ATRNL1: variants seen among roughly 807,000 people sequenced by gnomAD.
ATRNL1 encodes the protein attractin like 1, also known as attractin-like protein 1.
ATRNL1 carries 95 observed loss-of-function variants against 182.7 expected under a neutral mutation model. That is an observed-to-expected ratio of 0.52 (90% CI 0.44 to 0.62). The LOEUF is 0.62. ATRNL1 is among the 20% of genes least tolerant of loss of function. The pLI is 0.00. For synonymous variants in ATRNL1, 576 were observed against 568.3 expected, an observed-to-expected ratio of 1.01 and a Z score of -0.19; for missense variants, 1,471 against 1,679.5, an observed-to-expected ratio of 0.88 and a Z score of 2.17.
chr10:115,300,858 T>TA (rs1853435640), intron 16 of ATRNL1, among the ~76,000 whole-genome samples: 1 of 152,118 alleles, frequency 6.6e-6, no homozygotes, highest in South Asian at 2.1e-4. Context: ...TTTGCAAAAC[T>TA]AAAAATCTGT....
intron 21 of ATRNL1, among the ~76,000 whole-genome samples, chr10:115,438,572 T>G (rs1846516949): frequency 6.6e-6 from 1 of 152,050 alleles, no homozygotes; most frequent in South Asian, 2.1e-4. Context: ...TTATATATTT[T>G]TGCTTAAACT....
intron 26 of ATRNL1, among the ~76,000 whole-genome samples, chr10:115,672,359 A>C (rs1945723219): frequency 6.6e-6 from 1 of 152,104 alleles, no homozygotes; most frequent in South Asian, 2.1e-4. Context: ...TCTTTTTCCA[A>C]CTTATTGTAT....
intron 26 of ATRNL1, among the ~76,000 whole-genome samples, chr10:115,642,274 A>T (rs774221512): frequency 2.0e-5 from 3 of 152,182 alleles, no homozygotes; most frequent in Admixed American, 1.3e-4. Context: ...ACACTTACAT[A>T]TGAATTTAAC....
At chr10:115,561,698 T>TGTGG (rs1234174116) in intron 26 of ATRNL1, among the ~76,000 whole-genome samples, 1 of 107,702 alleles carries the variant, frequency 9.3e-6, no homozygotes, top group African/African-American at 3.3e-5. Flanking sequence ...TGGGTGTGTG[T>TGTGG]GTGTGGGTGT....
chr10:115,766,208 A>G (rs1487939433), intron 27 of ATRNL1, among the ~76,000 whole-genome samples: 2 of 152,228 alleles, frequency 1.3e-5, no homozygotes, highest in African/African-American at 4.8e-5. Flanking sequence ...AAATCATAGA[A>G]GTCAAATTGC....
intron 26 of ATRNL1, 58 bp downstream of exon 26, chr10:115,549,594 T>G: frequency 1.7e-6 from 2 of 1,162,796 alleles, no homozygotes; most frequent in Non-Finnish European, 2.4e-6. Flanking sequence ...TATGGATCTC[T>G]ATTGTCTGTT....
At chr10:115,729,783 A>T (rs1375994923) in intron 27 of ATRNL1, among the ~76,000 whole-genome samples, 1 of 151,968 alleles carries the variant, frequency 6.6e-6, no homozygotes, top group Admixed American at 6.6e-5. Context: ...TTCTCCTTCC[A>T]TATGTTAATA....
chr10:115,455,746 G>T (rs1554968583), intron 21 of ATRNL1, among the ~76,000 whole-genome samples: 1 of 151,904 alleles, frequency 6.6e-6, no homozygotes, highest in African/African-American at 2.4e-5. Context: ...TCTGACAAAG[G>T]GCTAATATCC....
At chr10:115,536,098 G>C (rs1851977490) in intron 25 of ATRNL1, among the ~76,000 whole-genome samples, 1 of 152,136 alleles carries the variant, frequency 6.6e-6, no homozygotes, top group Non-Finnish European at 1.5e-5. Context: ...CCCGTTCTCA[G>C]ATCTCCAGCT....
chr10:115,357,707 A>G (rs945647949), intron 19 of ATRNL1, among the ~76,000 whole-genome samples: 3 of 151,534 alleles, frequency 2.0e-5, no homozygotes, highest in Non-Finnish European at 4.4e-5. Flanking sequence ...TTATAGTAAT[A>G]ATTTATGTTT....
At chr10:115,590,028 G>A (rs1555011702) in intron 26 of ATRNL1, among the ~76,000 whole-genome samples, 1 of 152,174 alleles carries the variant, frequency 6.6e-6, no homozygotes, top group African/African-American at 2.4e-5. Context: ...GATTCACAAT[G>A]TAAAATATAC....
At chr10:115,733,309 T>G (rs1455842253) in intron 27 of ATRNL1, among the ~76,000 whole-genome samples, 3 of 152,136 alleles carry the variant, frequency 2.0e-5, no homozygotes, top group African/African-American at 7.2e-5. Flanking sequence ...TCTCCACCTA[T>G]AAAGAAAATT....
intron 1 of ATRNL1, among the ~76,000 whole-genome samples, chr10:115,115,689 G>A (rs1478631921): frequency 3.9e-5 from 6 of 152,076 alleles, no homozygotes; most frequent in Non-Finnish European, 8.8e-5. Context: ...ACTATTCCTT[G>A]TAGGCTGGTT....
intron 1 of ATRNL1, among the ~76,000 whole-genome samples, chr10:115,100,816 T>A (rs1843740939): frequency 6.6e-6 from 1 of 152,210 alleles, no homozygotes; most frequent in East Asian, 1.9e-4. Context: ...AGTCTATAGA[T>A]CAATTTTGGG....
At chr10:115,688,750 T>C (rs1555047141) in intron 26 of ATRNL1, among the ~76,000 whole-genome samples, 2 of 152,126 alleles carry the variant, frequency 1.3e-5, no homozygotes, top group Non-Finnish European at 2.9e-5. Flanking sequence ...ATTTTCCCCA[T>C]TCAGGGGGTG....
At chr10:115,898,495 G>A (rs1385243525) in intron 28 of ATRNL1, among the ~76,000 whole-genome samples, 1 of 152,094 alleles carries the variant, frequency 6.6e-6, no homozygotes. Context: ...GCCTGGCAGT[G>A]CTACTGTGTG....
intron 27 of ATRNL1, among the ~76,000 whole-genome samples, chr10:115,783,247 C>T (rs1555079679): frequency 6.6e-6 from 1 of 151,892 alleles, no homozygotes; most frequent in East Asian, 1.9e-4. Context: ...CACACACACA[C>T]ACACACACAT....
At chr10:115,772,372 T>C (rs1267590954) in intron 27 of ATRNL1, among the ~76,000 whole-genome samples, 2 of 152,186 alleles carry the variant, frequency 1.3e-5, no homozygotes, top group African/African-American at 4.8e-5. Flanking sequence ...TACGAAAACG[T>C]GAACTTTATT....
chr10:115,796,248 T>G (rs1949651412), intron 27 of ATRNL1, among the ~76,000 whole-genome samples: 1 of 151,774 alleles, frequency 6.6e-6, no homozygotes, highest in Non-Finnish European at 1.5e-5. Context: ...TCCACCCCAC[T>G]CATGTTCTGA....
Sources: allele counts gnomAD v4.1 joint callset (sites outside exome capture counted in the v4.1 genomes callset), GRCh38; gene constraint gnomAD v4.1.1; transcripts MANE v1.5; gene names NCBI Gene and HGNC (gene_info 2026-07-23, HGNC 2026-07-21).